The following CDH13 variants were observed in gnomAD, a reference collection of about 807,000 sequenced individuals.
The protein encoded by CDH13 is cadherin 13.
In CDH13, 24 loss-of-function variants were observed where a neutral mutation model predicts 63.8. The ratio of observed to expected loss-of-function variants is 0.38; its 90% CI spans 0.27 to 0.53. The LOEUF (loss-of-function observed/expected upper bound fraction) is 0.53. Ranked by LOEUF, CDH13 falls within the 20% of genes least tolerant of loss-of-function variation. The pLI is 0.85. For synonymous variants in CDH13, 503 were observed against 355.3 expected (o/e 1.42, Z -4.67); for missense variants, 1,049 against 903.1 (o/e 1.16, Z -2.07).
At chr16:83,660,641 T>C (rs1008376106) in intron 8 of CDH13, among the ~76,000 whole-genome samples, 1 of 152,230 alleles carries the variant, frequency 6.6e-6, no homozygotes, top group Non-Finnish European at 1.5e-5. Flanking sequence ...TTGAATTCCC[T>C]ACTCCTTTAA....
intron 1 of CDH13, among the ~76,000 whole-genome samples, chr16:82,681,016 C>A (rs1361501034): frequency 6.6e-6 from 1 of 152,230 alleles, no homozygotes; most frequent in East Asian, 1.9e-4. Context: ...AGGCCAGTGT[C>A]TCAGAGCACA....
chr16:83,104,294 G>A (rs74033152), intron 3 of CDH13, among the ~76,000 whole-genome samples: 22 of 152,146 alleles, frequency 1.4e-4, no homozygotes, highest in Non-Finnish European at 2.4e-4. Flanking sequence ...AATCAATGAC[G>A]TGGGGAGACG....
intron 4 of CDH13, among the ~76,000 whole-genome samples, chr16:83,164,912 T>G (rs1450459432): frequency 1.3e-5 from 2 of 151,766 alleles, no homozygotes; most frequent in African/African-American, 2.4e-5. Flanking sequence ...ACACTAATGC[T>G]TGGAGAGTTT....
At chr16:83,575,512 C>G (rs1905026583) in intron 7 of CDH13, among the ~76,000 whole-genome samples, 1 of 152,184 alleles carries the variant, frequency 6.6e-6, no homozygotes, top group Non-Finnish European at 1.5e-5. Context: ...AGCCCCTGCT[C>G]ACACCACGTG....
At chr16:82,751,865 G>A (rs116237572) in intron 1 of CDH13, among the ~76,000 whole-genome samples, 2,301 of 152,142 alleles carry the variant, frequency 0.015, 58 homozygotes, top group African/African-American at 0.053. Context: ...GGATCCTCCC[G>A]CAGGTGAGTA....
chr16:82,652,180 C>G (rs770675769), intron 1 of CDH13, among the ~76,000 whole-genome samples: 2 of 152,220 alleles, frequency 1.3e-5, no homozygotes, highest in Non-Finnish European at 2.9e-5. Flanking sequence ...AGAGTTGGAT[C>G]TCCATTTCCC....
At chr16:83,102,327 A>T (rs2034519693) in intron 3 of CDH13, among the ~76,000 whole-genome samples, 2 of 152,240 alleles carry the variant, frequency 1.3e-5, no homozygotes, top group African/African-American at 4.8e-5. Context: ...TATAGCAGCC[A>T]TTGGAAACTA....
intron 1 of CDH13, among the ~76,000 whole-genome samples, chr16:82,672,953 C>T (rs971651567): frequency 8.1e-5 from 12 of 148,896 alleles, no homozygotes; most frequent in East Asian, 2.0e-4. Flanking sequence ...CAGCTGGGAC[C>T]GCAGGATTGC....
At chr16:82,798,083 TA>T (rs2036676527) in intron 1 of CDH13, among the ~76,000 whole-genome samples, 1 of 152,170 alleles carries the variant, frequency 6.6e-6, no homozygotes, top group Non-Finnish European at 1.5e-5. Flanking sequence ...AAACTAAAGG[TA>T]AAATCAATTG....
At chr16:83,723,779 A>G (rs1189421157) in intron 10 of CDH13, among the ~76,000 whole-genome samples, 1 of 151,914 alleles carries the variant, frequency 6.6e-6, no homozygotes, top group Non-Finnish European at 1.5e-5. Flanking sequence ...TCATATATGC[A>G]GAGTAAAGAA....
chr16:83,617,048 A>C (rs1350209375), intron 8 of CDH13, among the ~76,000 whole-genome samples: 1 of 152,134 alleles, frequency 6.6e-6, no homozygotes, highest in Non-Finnish European at 1.5e-5. Context: ...CCTTGTCCCA[A>C]AACATGTTAG....
intron 4 of CDH13, among the ~76,000 whole-genome samples, chr16:83,160,560 C>T (rs576922405): frequency 3.3e-4 from 50 of 152,258 alleles, no homozygotes; most frequent in African/African-American, 1.1e-3. Flanking sequence ...ATTTAGCATA[C>T]TGTCAATGTG....
intron 6 of CDH13, among the ~76,000 whole-genome samples, chr16:83,366,226 C>G (rs1450376075): frequency 6.6e-6 from 1 of 152,150 alleles, no homozygotes; most frequent in South Asian, 2.1e-4. Flanking sequence ...GAATTACCAA[C>G]TTACAATTTT....
intron 3 of CDH13, among the ~76,000 whole-genome samples, chr16:83,122,538 C>A (rs2035628146): frequency 6.6e-6 from 1 of 152,172 alleles, no homozygotes; most frequent in Non-Finnish European, 1.5e-5. Flanking sequence ...CATATAATAA[C>A]AACACGTTTC....
intron 1 of CDH13, among the ~76,000 whole-genome samples, chr16:82,736,425 C>T (rs1225251337): frequency 6.6e-6 from 1 of 152,160 alleles, no homozygotes; most frequent in Non-Finnish European, 1.5e-5. Flanking sequence ...ACATGTCAGA[C>T]ACAATGCTAG....
chr16:83,579,743 G>C (rs560649401), intron 7 of CDH13, among the ~76,000 whole-genome samples: 1 of 152,136 alleles, frequency 6.6e-6, no homozygotes, highest in East Asian at 1.9e-4. Context: ...CACAGCCCTT[G>C]ATAGGCTCAC....
intron 2 of CDH13, among the ~76,000 whole-genome samples, chr16:83,029,830 G>C (rs1320259090): frequency 6.6e-6 from 1 of 152,126 alleles, no homozygotes; most frequent in Non-Finnish European, 1.5e-5. Context: ...TGTATGTTCT[G>C]ATTTATGTGC....
intron 7 of CDH13, among the ~76,000 whole-genome samples, chr16:83,548,671 A>C (rs948119556): frequency 6.6e-6 from 1 of 152,168 alleles, no homozygotes; most frequent in African/African-American, 2.4e-5. Flanking sequence ...GAGACATCCA[A>C]GTGAGGAGAT....
chr16:82,751,499 T>C (rs1256371567), intron 1 of CDH13, among the ~76,000 whole-genome samples: 6 of 152,046 alleles, frequency 3.9e-5, no homozygotes, highest in Admixed American at 6.6e-5. Flanking sequence ...CAGCACCTCA[T>C]TGCAACTAGC....
Sources: allele counts gnomAD v4.1 joint callset (sites outside exome capture counted in the v4.1 genomes callset), GRCh38; gene constraint gnomAD v4.1.1; transcripts MANE v1.5; gene names NCBI Gene and HGNC (gene_info 2026-07-23, HGNC 2026-07-21).